FGF12: variants seen among roughly 807,000 people sequenced by gnomAD.
FGF12 encodes fibroblast growth factor 12B.
A neutral mutation model predicts 23.6 loss-of-function variants in FGF12; 14 were observed. The observed-to-expected ratio is 0.59, with a 90% CI of 0.39 to 0.93. The LOEUF (loss-of-function observed/expected upper bound fraction) is 0.93, where lower values mean the gene tolerates loss of function less well. FGF12 is among the 40% of genes least tolerant of loss of function. The pLI is 0.00. For missense variants in FGF12, 175 were observed against 217.8 expected (o/e 0.80, Z 1.24); for synonymous variants, 62 against 77.3 (o/e 0.80, Z 1.04).
chr3:192,516,173 A>T (rs2108843307), intron 2 of FGF12, among the ~76,000 whole-genome samples: 1 of 152,318 alleles, frequency 6.6e-6, no homozygotes, highest in East Asian at 1.9e-4. Flanking sequence ...AAGTGCTAAA[A>T]TAGTGTTTGC....
At chr3:192,278,749 T>G (rs1713956446) in intron 4 of FGF12, among the ~76,000 whole-genome samples, 1 of 152,178 alleles carries the variant, frequency 6.6e-6, no homozygotes, top group South Asian at 2.1e-4. Flanking sequence ...GGACAGAGTT[T>G]CAGTTGGAGA....
intron 2 of FGF12, among the ~76,000 whole-genome samples, chr3:192,501,820 G>T (rs933252510): frequency 3.9e-5 from 6 of 152,188 alleles, no homozygotes; most frequent in African/African-American, 1.4e-4. Flanking sequence ...GATCAGTTTT[G>T]CTCACATGTT....
chr3:192,342,394 A>C (rs1717735121), intron 3 of FGF12, among the ~76,000 whole-genome samples: 1 of 152,100 alleles, frequency 6.6e-6, no homozygotes, highest in Admixed American at 6.5e-5. Flanking sequence ...GGGTAGGAGT[A>C]TGTGTGTGTG....
At position 192,222,262 on chromosome 3, in the gene FGF12, T is replaced by C. The variant is rs556575189; in HGVS notation, c.229-51606A>G. Among the ~76,000 whole-genome samples, 4 of 152,220 alleles carry C rather than the reference T, an allele frequency of 2.6e-5. No individual in the cohort carries two copies. The East Asian group carries it at 7.7e-4, about 29-fold the overall frequency. ...TTAGGTTCAACAAAGAACGCTGAAA[T>C]ACAGCATTCTTAACAGCCGACTCTA... On this transcript the variant is annotated intron_variant, in intron 4 of 5. Coordinates refer to ENST00000445105, the MANE Select transcript of FGF12 (RefSeq NM_004113.6).
chr3:192,408,260 T>C lies in FGF12; in HGVS notation c.14-47722A>G. On this transcript the variant is annotated intron_variant, in intron 2 of 5. Transcript: ENST00000445105. The surrounding 1 kb of genome is among the most constrained non-coding windows in gnomAD (Gnocchi z 7.3). ...GAGGGCCTCAGGCCCCAGCCTCTACTGCGCCCTCCGGCTTGCGCTCCGCCG... is the reference window on the plus strand; with the variant it reads ...GAGGGCCTCAGGCCCCAGCCTCTACCGCGCCCTCCGGCTTGCGCTCCGCCG... 1.9e-6 allele frequency: 3 copies of C among 1,539,810 alleles called. No individual in the cohort carries two copies. In the South Asian group the frequency reaches 3.6e-5, roughly 18 times the overall value.
intron 4 of FGF12, among the ~76,000 whole-genome samples, chr3:192,232,118 CA>C (rs1346392366): frequency 2.0e-5 from 3 of 152,048 alleles, no homozygotes; most frequent in Admixed American, 1.3e-4. Context: ...TTCCCATTGA[CA>C]ATGTCATATC....
intron 2 of FGF12, among the ~76,000 whole-genome samples, chr3:192,551,069 C>A (rs1315118838): frequency 3.3e-5 from 5 of 152,104 alleles, no homozygotes; most frequent in Non-Finnish European, 7.3e-5. Flanking sequence ...TATCCTTCTG[C>A]CATAAACAAT....
chr3:192,613,261 T>C (rs1248541348), intron 2 of FGF12, among the ~76,000 whole-genome samples: 1 of 151,886 alleles, frequency 6.6e-6, no homozygotes, highest in Non-Finnish European at 1.5e-5. Flanking sequence ...TTCTCCCTTA[T>C]TGATTGCCTC....
chr3:192,291,387 C>T (rs758485502), intron 4 of FGF12, among the ~76,000 whole-genome samples: 2 of 151,916 alleles, frequency 1.3e-5, no homozygotes, highest in Non-Finnish European at 2.9e-5. Flanking sequence ...TTAAGACCAA[C>T]CTGGGCAACA....
intron 4 of FGF12, among the ~76,000 whole-genome samples, chr3:192,187,732 A>G (rs1262551389): frequency 6.6e-6 from 1 of 152,154 alleles, no homozygotes; most frequent in Non-Finnish European, 1.5e-5. Flanking sequence ...GAAGCAAATG[A>G]AGAGAGATAA....
intron 2 of FGF12, among the ~76,000 whole-genome samples, chr3:192,714,565 C>T (rs1301441188): frequency 7.7e-6 from 1 of 130,268 alleles, no homozygotes; most frequent in Non-Finnish European, 1.5e-5. Context: ...GTCGCCCAGG[C>T]TGGAGTGCAG....
chr3:192,582,400 T>TATTACTGGATTACTATTTCCTACC (rs1713194265), intron 2 of FGF12, among the ~76,000 whole-genome samples: 2 of 152,318 alleles, frequency 1.3e-5, no homozygotes, highest in Non-Finnish European at 2.9e-5. Flanking sequence ...CACTCATTGT[T>TATTACTGGATTACTATTTCCTACC]ATTACTGGAT....
rs753474165 is a variant in FGF12 at position 192,143,009 on chromosome 3, T to C, written c.*1000A>G. On this transcript the variant is annotated 3_prime_UTR_variant, in exon 6 of 6. Transcript: ENST00000445105. ...CCTTATGTAAAACCCCTGTTCTTTC[T>C]TTCCTGCCACAAGACAGGGTACAAA... The C allele has an allele frequency of 2.6e-5, 4 of 152,018 alleles. No individual in the cohort carries two copies. Among genetic ancestry groups the C allele is most frequent in the Non-Finnish European group, 4.4e-5 (3 of 67,950 alleles). The allele number at this position is 152,018 out of a possible 1,614,324, so 9.4% of individuals were successfully genotyped here. A position where few individuals can be genotyped will look rare whatever the true frequency, so the allele number is the denominator to read the frequency against.
At chr3:192,327,556 T>C (rs1282695092) in intron 4 of FGF12, among the ~76,000 whole-genome samples, 3 of 126,448 alleles carry the variant, frequency 2.4e-5, no homozygotes, top group African/African-American at 5.8e-5. Flanking sequence ...ATCGCTATAG[T>C]TTGAAAAAAA....
At chr3:192,440,421 T>C (rs543512641) in intron 2 of FGF12, among the ~76,000 whole-genome samples, 18 of 152,088 alleles carry the variant, frequency 1.2e-4, no homozygotes, top group Non-Finnish European at 2.2e-4. Flanking sequence ...AGTGGGGCAA[T>C]CAGTGATTAG....
intron 2 of FGF12, among the ~76,000 whole-genome samples, chr3:192,498,700 T>C (rs769972621): frequency 1.3e-5 from 2 of 151,212 alleles, no homozygotes; most frequent in Non-Finnish European, 2.9e-5. Context: ...AGAACTAGAG[T>C]GACACAAGCC....
chr3:192,356,279 C>T (rs9840386), intron 3 of FGF12, among the ~76,000 whole-genome samples: 98,725 of 151,930 alleles, frequency 0.65, 34,883 homozygotes, highest in East Asian at 0.93. Context: ...GTCTTTCCAC[C>T]GTACTAACTT....
chr3:192,453,908 C>A (rs938703169), intron 2 of FGF12, among the ~76,000 whole-genome samples: 14 of 152,258 alleles, frequency 9.2e-5, no homozygotes, highest in African/African-American at 3.4e-4. Flanking sequence ...AGTATAATAT[C>A]TATGTAAATA....
At chr3:192,387,926 T>C (rs1720118176) in intron 2 of FGF12, among the ~76,000 whole-genome samples, 4 of 151,830 alleles carry the variant, frequency 2.6e-5, no homozygotes, top group Admixed American at 2.6e-4. Context: ...GTCATGACTT[T>C]GAAGTTTGAT....
Sources: allele counts gnomAD v4.1 joint callset (sites outside exome capture counted in the v4.1 genomes callset), GRCh38; gene constraint gnomAD v4.1.1; non-coding constraint Gnocchi (gnomAD v3.1); transcripts MANE v1.5; gene names NCBI Gene and HGNC (gene_info 2026-07-23, HGNC 2026-07-21).